The following HERC5 variants were observed in gnomAD, a reference collection of about 807,000 sequenced individuals.
HERC5 encodes the protein HECT and RLD domain containing E3 ubiquitin protein ligase 5.
In HERC5, 99 loss-of-function variants were observed where a neutral mutation model predicts 119.6. The ratio of observed to expected loss-of-function variants is 0.83; its 90% CI spans 0.70 to 0.98. The LOEUF (loss-of-function observed/expected upper bound fraction) is 0.98, where lower values mean the gene tolerates loss of function less well. Ranked by LOEUF, HERC5 falls within the 50% of genes least tolerant of loss-of-function variation. The pLI, the probability that HERC5 is intolerant of heterozygous loss-of-function variation, is 0.00. For synonymous variants in HERC5, 478 were observed against 445.9 expected (o/e 1.07, Z -0.91); for missense variants, 1,267 against 1,241.3 (o/e 1.02, Z -0.31).
Position 88,463,840 on chromosome 4 carries a change from A to G in HERC5, c.781-15A>G. The G allele has an allele frequency of 6.2e-7, 1 of 1,612,888 alleles. No homozygotes were observed. Among genetic ancestry groups the G allele is most frequent in the Non-Finnish European group, 8.5e-7 (1 of 1,179,612 alleles). On this transcript the variant is annotated splice_polypyrimidine_tract_variant and intron_variant, in intron 5 of 22. Coordinates refer to ENST00000264350, the MANE Select transcript of HERC5 (RefSeq NM_016323.4). ...TTATTTTTCTAGCATCTGATATGAC[A>G]TTCCCTTTCCTTAGGATGGGCTGCT...
At chr4:88,466,835 A>C (rs951662864) in intron 6 of HERC5, among the ~76,000 whole-genome samples, 1 of 152,224 alleles carries the variant, frequency 6.6e-6, no homozygotes, top group Non-Finnish European at 1.5e-5. Flanking sequence ...AACAAAGGGA[A>C]CACCATTTGC....
chr4:88,465,954 C>T lies in HERC5; in HGVS notation c.912-1105C>T, dbSNP rs1325170052. On this transcript the variant is annotated intron_variant, in intron 6 of 22. Coordinates refer to ENST00000264350, the MANE Select transcript of HERC5 (RefSeq NM_016323.4). ...TTGCCAGCCAATCAGAGAAATTCAC[C>T]CAAGTTGAGAGTTGTTTTTGTTTTT... 2.0e-5 allele frequency among the ~76,000 whole-genome samples: 3 copies of T among 152,214 alleles called. No homozygotes were observed. The East Asian group carries it at 5.8e-4, about 29-fold the overall frequency.
At chr4:88,473,302 CTCCTCCCCTCCT>C (rs1158277066) in intron 11 of HERC5, 1 of 151,226 alleles carries the variant, frequency 6.6e-6, no homozygotes, top group Non-Finnish European at 1.5e-5. Context: ...CTCTCCTTCC[CTCCTCCCCTCCT>C]TCCTCCCTCT....
chr4:88,474,795 G>C (rs1329607294), intron 11 of HERC5, among the ~76,000 whole-genome samples: 1 of 152,114 alleles, frequency 6.6e-6, no homozygotes, highest in Non-Finnish European at 1.5e-5. Flanking sequence ...ATCTGTGTTA[G>C]GGAGAAACTA....
At position 88,493,070 on chromosome 4, in the gene HERC5, A is replaced by C; in HGVS notation, c.2192A>C (p.Tyr731Ser). ...GGAGGAGTCAAGAAAGAGTTCTTCT[A>C]CTGTCTGTTTGCAGAGATGATCCAG... ...DLGGVKKEFF[Y>S]CLFAEMIQPE... is the part of the protein sequence containing the mutation. Residue 731 changes from tyrosine to serine, a missense_variant, in exon 17 of 23, where the codon TAC becomes TCC. This residue lies in a region of HERC5 where 473 missense variants were observed against 445.7 expected (regional missense o/e 1.06). Coordinates refer to ENST00000264350, the MANE Select transcript of HERC5 (RefSeq NM_016323.4). The C allele has an allele frequency of 5.6e-6, 9 of 1,614,026 alleles. No homozygotes were observed. Among genetic ancestry groups the C allele is most frequent in the Non-Finnish European group, 7.6e-6 (9 of 1,179,936 alleles).
intron 10 of HERC5, among the ~76,000 whole-genome samples, chr4:88,472,091 G>C (rs1740893303): frequency 6.6e-6 from 1 of 151,782 alleles, no homozygotes. Context: ...GATCTCTCAA[G>C]CTCAAGCGAT....
chr4:88,472,428 C>T lies in HERC5; in HGVS notation c.1318C>T (p.Pro440Ser), dbSNP rs148035671. Reference sequence around the variant, plus strand: ...CTACAGAAGAACTACAGAAATGATGCCTGTTTATTTGGACTTAAATAAAGC... The same window carrying T: ...CTACAGAAGAACTACAGAAATGATGTCTGTTTATTTGGACTTAAATAAAGC... ...LRKRRTTEMMPVYLDLNKARN... is the reference protein window; with the variant it reads ...LRKRRTTEMMSVYLDLNKARN... The change falls in exon 11 of 23, where the codon CCT (proline) becomes TCT (serine). Residue 440 changes from proline (P) to serine (S), a missense_variant. This residue lies in a region of HERC5 where 777 missense variants were observed against 758.0 expected (regional missense o/e 1.03). Transcript: ENST00000264350. The T allele has an allele frequency of 6.3e-7, 1 of 1,589,608 alleles. No homozygotes were observed. Among genetic ancestry groups the T allele is most frequent in the African/African-American group, 1.3e-5 (1 of 74,244 alleles).
intron 7 of HERC5, among the ~76,000 whole-genome samples, chr4:88,467,624 CACTT>C (rs1158628229): frequency 6.6e-6 from 1 of 152,226 alleles, no homozygotes; most frequent in East Asian, 1.9e-4. Flanking sequence ...CTGTGCTCAG[CACTT>C]ACTTGTGTTA....
rs368642534 is a variant in HERC5, at chr4:88,494,254, A to G, written c.2367A>G (p.Pro789=). The change falls in exon 18 of 23, where the codon CCA becomes CCG. Residue 789 remains proline (P), a synonymous_variant. Coordinates refer to ENST00000264350, the MANE Select transcript of HERC5 (RefSeq NM_016323.4). ...GCAATGTTGCCAACCTTCCTTTCCC[A>G]CTGGCACTGTTTAAGAAACTTTTGG... is the stretch of plus-strand genomic sequence containing the variant. ...FNCNVANLPF[P]LALFKKLLDQ... 2 of 1,613,312 alleles carry G rather than the reference A, an allele frequency of 1.2e-6. No homozygotes were observed. Among genetic ancestry groups the G allele is most frequent in the Non-Finnish European group, 1.7e-6 (2 of 1,179,510 alleles).
At chr4:88,471,934 T>C (rs993647018) in intron 10 of HERC5, among the ~76,000 whole-genome samples, 2 of 149,330 alleles carry the variant, frequency 1.3e-5, no homozygotes, top group African/African-American at 4.9e-5. Flanking sequence ...CCCGCCCTTC[T>C]TCCCTCCCTT....
Position 88,505,817 on chromosome 4 carries a change from C to T in HERC5, c.3014C>T (p.Thr1005Ile). 1 of 1,613,754 alleles carries T rather than the reference C, an allele frequency of 6.2e-7. No homozygotes were observed. The highest frequency in any genetic ancestry group is 8.5e-7 in the Non-Finnish European group (1 of 1,179,772). The change falls in exon 23 of 23, where the codon ACA (threonine) becomes ATA (isoleucine). Residue 1005 changes from threonine to isoleucine, a missense_variant. Physicochemically the swap from Thr to Ile is moderately conservative, Grantham distance 89 (BLOSUM62 -1). This residue lies in a region of HERC5 where 473 missense variants were observed against 445.7 expected (regional missense o/e 1.06). Transcript: ENST00000264350. ...GTCCTCTTCCTCCCTAAATATTCTA[C>T]AATGGAAACAGTTGAAGAAGCGCTT... Reference protein sequence around the residue: ...FSVLFLPKYSTMETVEEALQE... With the variant: ...FSVLFLPKYSIMETVEEALQE...
chr4:88,500,047 C>A lies in HERC5; in HGVS notation c.2511+55C>A, dbSNP rs1222224763. 6 of 1,031,926 alleles carry A rather than the reference C, an allele frequency of 5.8e-6. No individual in the cohort carries two copies. In the African/African-American group the frequency reaches 6.4e-5, roughly 11 times the overall value. 63.9% of individuals were successfully genotyped at this position (1,031,926 alleles called of 1,614,324 possible). On this transcript the variant is annotated intron_variant, in intron 19 of 22. Coordinates refer to ENST00000264350, the MANE Select transcript of HERC5 (RefSeq NM_016323.4). ...TAGTTTTAATCTGATTAACCCTTTA[C>A]ATATTTAACTAAACATGTCAACTTT...
chr4:88,466,990 A>G (rs1740691156), intron 6 of HERC5, 69 bp from the exon 7 acceptor site: 1 of 1,497,276 alleles, frequency 6.7e-7, no homozygotes, highest in Admixed American at 1.7e-5. Flanking sequence ...TTGGCAATTT[A>G]CTGTATTGCT....
chr4:88,464,364 T>A (rs1456838005), intron 6 of HERC5, among the ~76,000 whole-genome samples: 1 of 152,104 alleles, frequency 6.6e-6, no homozygotes, highest in Non-Finnish European at 1.5e-5. Flanking sequence ...TGACAATGCC[T>A]TGTGGCCAAC....
intron 4 of HERC5, 34 bp from the exon 5 acceptor site, chr4:88,463,498 T>G: frequency 2.1e-6 from 3 of 1,440,258 alleles, no homozygotes; most frequent in Non-Finnish European, 2.9e-6. Context: ...AGCATTTCCT[T>G]TTGGTCACTT....
chr4:88,488,781 C>T lies in HERC5; in HGVS notation c.1963-385C>T, dbSNP rs559820920. 6.6e-5 allele frequency among the ~76,000 whole-genome samples: 10 copies of T among 151,942 alleles called. No homozygotes were observed. The South Asian group carries it at 8.3e-4, about 13-fold the overall frequency. ...CTTTCTAAACATCTGAACTTCTCTT[C>T]GGAATGAGAGAGCATCATGTTGCAG... On this transcript the variant is annotated intron_variant, in intron 15 of 22. Coordinates refer to ENST00000264350, the MANE Select transcript of HERC5 (RefSeq NM_016323.4).
At chr4:88,488,721 T>G (rs1004075750) in intron 15 of HERC5, among the ~76,000 whole-genome samples, 1 of 152,070 alleles carries the variant, frequency 6.6e-6, no homozygotes, top group Non-Finnish European at 1.5e-5. Flanking sequence ...GTGACATCTC[T>G]CATAACCTGG....
chr4:88,467,115 G>A lies in HERC5; in HGVS notation c.968G>A (p.Gly323Glu). The A allele has an allele frequency of 1.2e-6, 2 of 1,614,142 alleles. No individual in the cohort carries two copies. Among genetic ancestry groups the A allele is most frequent in the Non-Finnish European group, 1.7e-6 (2 of 1,180,008 alleles). The change falls in exon 7 of 23, where the codon GGA becomes GAA. Residue 323 changes from glycine to glutamate, a missense_variant. This residue lies in a region of HERC5 where 777 missense variants were observed against 758.0 expected (regional missense o/e 1.03). Transcript: ENST00000264350. ...DLGKVFSFGSGKDGQLGNGGT... is the reference protein window; with the variant it reads ...DLGKVFSFGSEKDGQLGNGGT... ...GGAAAGGTCTTTTCCTTTGGTTCTG[G>A]AAAAGATGGACAACTGGGAAATGGT... is the stretch of plus-strand genomic sequence containing the variant.
chr4:88,462,234 C>CA lies in HERC5; in HGVS notation c.567dup (p.Gly190ArgfsTer30). 6.2e-7 allele frequency: 1 copy of CA among 1,614,164 alleles called. No individual in the cohort carries two copies. Among genetic ancestry groups the CA allele is most frequent in the Non-Finnish European group, 8.5e-7 (1 of 1,180,034 alleles). On this transcript the variant is annotated frameshift_variant, in exon 4 of 23. Coordinates refer to ENST00000264350, the MANE Select transcript of HERC5 (RefSeq NM_016323.4). LOFTEE classifies it high-confidence loss of function. ...ACACCACAGATTGTGGAGCACCTCG[C>CA]AGGAGTACCCTTGGCTCAGATTTCT...
Sources: gnomAD v4.1 joint callset for allele counts (sites outside exome capture counted in the v4.1 genomes callset) on GRCh38, gnomAD v4.1.1 for gene constraint, gnomAD v4.1.1 regional missense constraint, MANE v1.5 for transcripts, NCBI Gene and HGNC (gene_info 2026-07-23, HGNC 2026-07-21) for gene names.